The following BARX2 variants were observed in gnomAD, a reference collection of about 807,000 sequenced individuals.
The protein encoded by BARX2 is homeobox protein BarH-like 2.
In BARX2, 11 loss-of-function variants were observed where a neutral mutation model predicts 25.5. That is an observed-to-expected ratio of 0.43 (90% CI 0.27 to 0.71). The LOEUF (loss-of-function observed/expected upper bound fraction) is 0.71. Among genes scored for constraint, BARX2 ranks in the 30% least tolerant of loss-of-function variants. The pLI, the probability that BARX2 is intolerant of heterozygous loss-of-function variation, is 0.19. For missense variants in BARX2, 360 were observed against 359.9 expected, an observed-to-expected ratio of 1.00 and a Z score of 0.00; for synonymous variants, 137 against 149.5, an observed-to-expected ratio of 0.92 and a Z score of 0.61.
chr11:129,440,300 C>A (rs1186342524), intron 2 of BARX2, among the ~76,000 whole-genome samples: 1 of 152,238 alleles, frequency 6.6e-6, no homozygotes, highest in Non-Finnish European at 1.5e-5. Flanking sequence ...AGTGAGCTAA[C>A]ACTGTTTGCT....
intron 1 of BARX2, among the ~76,000 whole-genome samples, chr11:129,422,122 TC>T (rs1334504262): frequency 1.3e-5 from 2 of 152,034 alleles, no homozygotes; most frequent in Admixed American, 6.6e-5. Flanking sequence ...TCAAATGATC[TC>T]CTGCCTCATC....
At chr11:129,388,661 T>C (rs939021203) in intron 1 of BARX2, among the ~76,000 whole-genome samples, 1 of 152,232 alleles carries the variant, frequency 6.6e-6, no homozygotes, top group Non-Finnish European at 1.5e-5. Flanking sequence ...GAGATTATTT[T>C]TTCACATTAT....
At chr11:129,424,168 C>A (rs962739909) in intron 1 of BARX2, among the ~76,000 whole-genome samples, 3 of 152,162 alleles carry the variant, frequency 2.0e-5, no homozygotes, top group Admixed American at 1.3e-4. Context: ...TTTCTTAAAT[C>A]TTTCTTCTTG....
chr11:129,430,144 A>G (rs1462448960), intron 1 of BARX2, among the ~76,000 whole-genome samples: 2 of 152,146 alleles, frequency 1.3e-5, no homozygotes, highest in Non-Finnish European at 2.9e-5. Context: ...GCTGATGGAA[A>G]TTCCCCAGGA....
In BARX2 at chr11:129,378,462, A is replaced by T. The variant is rs567608761; in HGVS notation, c.187+2240A>T. ...GTTAAGGTCAGGACAAAAATCTTTG[A>T]TTAGATGAATGTAATCTTTTTTCTT... On this transcript the variant is annotated intron_variant, in intron 1 of 3. Coordinates refer to ENST00000281437, the MANE Select transcript of BARX2 (RefSeq NM_003658.5). Among the ~76,000 whole-genome samples the T allele has an allele frequency of 1.4e-4, 22 of 152,104 alleles. No individual in the cohort carries two copies. In the South Asian group the frequency reaches 2.1e-3, roughly 14 times the overall value.
At chr11:129,450,727 C>CA (rs1272548686) in intron 3 of BARX2, among the ~76,000 whole-genome samples, 2 of 152,140 alleles carry the variant, frequency 1.3e-5, no homozygotes, top group Admixed American at 6.5e-5. Flanking sequence ...CTTGAACTCT[C>CA]AGGTTGTCTT....
chr11:129,445,486 G>C (rs537805284), intron 3 of BARX2, among the ~76,000 whole-genome samples: 1 of 152,338 alleles, frequency 6.6e-6, no homozygotes, highest in African/African-American at 2.4e-5. Context: ...TTGTGGGCCA[G>C]TTATTGATGG....
At chr11:129,435,869 G>A (rs556566137) in intron 1 of BARX2, among the ~76,000 whole-genome samples, 4 of 152,132 alleles carry the variant, frequency 2.6e-5, no homozygotes, top group East Asian at 1.9e-4. Context: ...AATTCCTAAC[G>A]CAGGAGTGGC....
At chr11:129,441,960 G>A (rs1862266197) in intron 2 of BARX2, among the ~76,000 whole-genome samples, 1 of 152,082 alleles carries the variant, frequency 6.6e-6, no homozygotes, top group African/African-American at 2.4e-5. Context: ...GGAAATGGTG[G>A]GTGTGTTAGA....
intron 1 of BARX2, among the ~76,000 whole-genome samples, chr11:129,431,908 G>A (rs1020432921): frequency 8.6e-5 from 13 of 151,724 alleles, no homozygotes; most frequent in African/African-American, 3.1e-4. Context: ...ATAGGTTTGT[G>A]TTTCTACTGA....
intron 1 of BARX2, among the ~76,000 whole-genome samples, chr11:129,419,358 G>A (rs1861978953): frequency 6.6e-6 from 1 of 152,200 alleles, no homozygotes; most frequent in Non-Finnish European, 1.5e-5. Context: ...CTTCACTCTT[G>A]TTTATATCAA....
intron 1 of BARX2, among the ~76,000 whole-genome samples, chr11:129,412,415 G>C (rs761599521): frequency 6.6e-6 from 1 of 152,178 alleles, no homozygotes; most frequent in Non-Finnish European, 1.5e-5. Flanking sequence ...GAGGGTTCTC[G>C]GCTTTGCCTA....
At chr11:129,446,493 A>G (rs115364987) in intron 3 of BARX2, among the ~76,000 whole-genome samples, 2,093 of 152,286 alleles carry the variant, frequency 0.014, 46 homozygotes, top group African/African-American at 0.045. Flanking sequence ...TAATCTCTGT[A>G]AAACACGTAA....
intron 1 of BARX2, among the ~76,000 whole-genome samples, chr11:129,395,923 C>T (rs1277802116): frequency 1.3e-5 from 2 of 152,118 alleles, no homozygotes; most frequent in South Asian, 2.1e-4. Flanking sequence ...TCCTGAATCT[C>T]GTGTGGACAA....
intron 1 of BARX2, among the ~76,000 whole-genome samples, chr11:129,425,379 C>G (rs779345519): frequency 6.6e-6 from 1 of 152,190 alleles, no homozygotes; most frequent in Non-Finnish European, 1.5e-5. Flanking sequence ...TAAACAGCAG[C>G]TGTTCCTGGC....
At chr11:129,445,124 C>T (rs1488908265) in intron 3 of BARX2, among the ~76,000 whole-genome samples, 1 of 152,222 alleles carries the variant, frequency 6.6e-6, no homozygotes, top group Non-Finnish European at 1.5e-5. Flanking sequence ...CACACATGGA[C>T]ACCTTTTGGG....
At chr11:129,422,387 C>T (rs1329161322) in intron 1 of BARX2, among the ~76,000 whole-genome samples, 1 of 151,660 alleles carries the variant, frequency 6.6e-6, no homozygotes, top group South Asian at 2.1e-4. Flanking sequence ...CCTCCTCCAA[C>T]TCCTCGGTTC....
chr11:129,448,294 T>C (rs769609066), intron 3 of BARX2, among the ~76,000 whole-genome samples: 5 of 152,298 alleles, frequency 3.3e-5, no homozygotes, highest in Non-Finnish European at 7.4e-5. Flanking sequence ...TTGGGCTTCC[T>C]CAAAATTTAA....
At chr11:129,389,737 T>TGAAAC (rs1384514139) in intron 1 of BARX2, among the ~76,000 whole-genome samples, 1 of 127,350 alleles carries the variant, frequency 7.9e-6, no homozygotes, top group East Asian at 2.4e-4. Context: ...TGAAAAAAAA[T>TGAAAC]GAAACTATTC....
Sources: gnomAD v4.1 joint callset for allele counts (sites outside exome capture counted in the v4.1 genomes callset) on GRCh38, gnomAD v4.1.1 for gene constraint, MANE v1.5 for transcripts, NCBI Gene and HGNC (gene_info 2026-07-23, HGNC 2026-07-21) for gene names.